EPHA6: variants seen among roughly 807,000 people sequenced by gnomAD.
EPHA6 encodes the protein EPH receptor A6, also known as ephrin type-A receptor 6.
In EPHA6, 50 loss-of-function variants were observed where a neutral mutation model predicts 112.0. That is an observed-to-expected ratio of 0.45 (90% CI 0.36 to 0.56). EPHA6 has a LOEUF of 0.56. EPHA6 is among the 20% of genes least tolerant of loss of function. EPHA6 has a pLI of 0.00. For missense variants in EPHA6, 1,280 were observed against 1,417.4 expected, an observed-to-expected ratio of 0.90 and a Z score of 1.56; for synonymous variants, 529 against 490.7, an observed-to-expected ratio of 1.08 and a Z score of -1.03.
intron 10 of EPHA6, among the ~76,000 whole-genome samples, chr3:97,493,551 C>T (rs1272592803): frequency 2.0e-5 from 3 of 151,776 alleles, no homozygotes; most frequent in Non-Finnish European, 2.9e-5. Context: ...TCCAAAAGAC[C>T]ATATGTCCAG....
At chr3:97,596,978 A>G (rs2093600305) in intron 12 of EPHA6, among the ~76,000 whole-genome samples, 1 of 148,698 alleles carries the variant, frequency 6.7e-6, no homozygotes. Flanking sequence ...TATGGAATAT[A>G]TATATATGGA....
intron 3 of EPHA6, among the ~76,000 whole-genome samples, chr3:97,083,135 T>C (rs752187923): frequency 6.6e-6 from 1 of 151,986 alleles, no homozygotes; most frequent in East Asian, 1.9e-4. Flanking sequence ...CTTCAACTTA[T>C]TTTAACAAGT....
At chr3:97,120,223 C>T (rs979576342) in intron 3 of EPHA6, among the ~76,000 whole-genome samples, 1 of 151,830 alleles carries the variant, frequency 6.6e-6, no homozygotes. Flanking sequence ...AAATTAGTAC[C>T]TTGGTGATGT....
chr3:96,873,278 A>T (rs2036747137), intron 2 of EPHA6, among the ~76,000 whole-genome samples: 1 of 151,856 alleles, frequency 6.6e-6, no homozygotes, highest in Non-Finnish European at 1.5e-5. Context: ...AAAAAAAAAA[A>T]GTTATGATTC....
At chr3:96,995,718 A>T (rs1015055568) in intron 3 of EPHA6, among the ~76,000 whole-genome samples, 1 of 152,174 alleles carries the variant, frequency 6.6e-6, no homozygotes, top group Non-Finnish European at 1.5e-5. Context: ...ATAGCATTGT[A>T]TCTAAAAACA....
chr3:97,255,311 C>T (rs1191330681), intron 5 of EPHA6, among the ~76,000 whole-genome samples: 1 of 152,078 alleles, frequency 6.6e-6, no homozygotes, highest in Non-Finnish European at 1.5e-5. Context: ...TCTTCAAAAT[C>T]GTAGTGCTTT....
intron 3 of EPHA6, among the ~76,000 whole-genome samples, chr3:96,988,415 C>A (rs190143568): frequency 8.9e-4 from 135 of 152,212 alleles, no homozygotes; most frequent in Middle Eastern, 6.8e-3. Flanking sequence ...GCAGCATCAA[C>A]AACAGCAACA....
intron 5 of EPHA6, among the ~76,000 whole-genome samples, chr3:97,326,782 A>C (rs1262279252): frequency 6.6e-6 from 1 of 152,126 alleles, no homozygotes; most frequent in Admixed American, 6.6e-5. Context: ...GAATAGTAGA[A>C]GGCATGGGAA....
intron 7 of EPHA6, among the ~76,000 whole-genome samples, chr3:97,473,885 T>C (rs1362654629): frequency 6.6e-6 from 1 of 151,884 alleles, no homozygotes; most frequent in Non-Finnish European, 1.5e-5. Flanking sequence ...CTTAACATTG[T>C]AGTACATTGC....
chr3:96,839,276 A>C (rs2034594168), intron 1 of EPHA6, among the ~76,000 whole-genome samples: 1 of 151,896 alleles, frequency 6.6e-6, no homozygotes, highest in African/African-American at 2.4e-5. Flanking sequence ...CTCCCGTTAG[A>C]TCAGTGGTGG....
At chr3:97,221,893 G>A (rs2078213305) in intron 3 of EPHA6, among the ~76,000 whole-genome samples, 1 of 152,006 alleles carries the variant, frequency 6.6e-6, no homozygotes, top group Non-Finnish European at 1.5e-5. Context: ...AGGCAGATAT[G>A]GTGGTGGGTG....
chr3:97,616,717 T>A (rs1344555949), intron 13 of EPHA6, among the ~76,000 whole-genome samples: 1 of 151,746 alleles, frequency 6.6e-6, no homozygotes, highest in Non-Finnish European at 1.5e-5. Context: ...ATAACACTGG[T>A]AGACAAGAAT....
At chr3:97,429,081 C>T (rs569523985) in intron 6 of EPHA6, among the ~76,000 whole-genome samples, 82 of 152,242 alleles carry the variant, frequency 5.4e-4, no homozygotes, top group Non-Finnish European at 9.9e-4. Flanking sequence ...AAAATCCAGA[C>T]TTACACAAGC....
rs188421238 is a variant in EPHA6, at chr3:97,343,979, A to G, written c.1607-61171A>G. ...TTTTGGATTTGCTTGGGGCCTATTA[A>G]CTTCCCTAGTCTCCTATTTTTTCCC... On this transcript the variant is annotated intron_variant, in intron 5 of 17. Coordinates refer to ENST00000389672, the MANE Select transcript of EPHA6 (RefSeq NM_001080448.3). 1.5e-3 allele frequency among the ~76,000 whole-genome samples: 223 copies of G among 152,198 alleles called. 1 individual carries two copies. The highest frequency in any genetic ancestry group is 5.1e-3 in the African/African-American group (212 of 41,540).
At chr3:97,671,119 A>G (rs1277739811) in intron 14 of EPHA6, among the ~76,000 whole-genome samples, 1 of 152,178 alleles carries the variant, frequency 6.6e-6, no homozygotes, top group African/African-American at 2.4e-5. Context: ...CTTCTGTAAA[A>G]ATGTAACTGT....
chr3:97,135,947 ATT>A (rs1230368335), intron 3 of EPHA6, among the ~76,000 whole-genome samples: 3 of 152,126 alleles, frequency 2.0e-5, no homozygotes, highest in Admixed American at 1.3e-4. Context: ...GTTGTCTGAG[ATT>A]GAAGCCAATA....
intron 15 of EPHA6, among the ~76,000 whole-genome samples, chr3:97,723,034 C>A (rs553922973): frequency 6.6e-6 from 1 of 152,264 alleles, no homozygotes; most frequent in South Asian, 2.1e-4. Flanking sequence ...TTAACAGTAA[C>A]ATGCTATGAT....
chr3:97,218,310 G>T (rs1470454001), intron 3 of EPHA6, among the ~76,000 whole-genome samples: 4 of 152,038 alleles, frequency 2.6e-5, no homozygotes, highest in African/African-American at 9.7e-5. Flanking sequence ...CTCTCAGTCT[G>T]TGTATTAGTC....
intron 16 of EPHA6, among the ~76,000 whole-genome samples, chr3:97,743,854 TA>T (rs2035606016): frequency 6.6e-6 from 1 of 152,018 alleles, no homozygotes; most frequent in Non-Finnish European, 1.5e-5. Flanking sequence ...ATGATGAATA[TA>T]AAACATGGAA....
Sources: allele counts gnomAD v4.1 joint callset (sites outside exome capture counted in the v4.1 genomes callset), GRCh38; gene constraint gnomAD v4.1.1; transcripts MANE v1.5; gene names NCBI Gene and HGNC (gene_info 2026-07-23, HGNC 2026-07-21).